Variants in EDIL3 observed in about 807,000 individuals in gnomAD.
The protein encoded by EDIL3 is EGF-like repeat and discoidin I-like domain-containing protein 3.
A neutral mutation model predicts 67.4 loss-of-function variants in EDIL3; 37 were observed. The ratio of observed to expected loss-of-function variants is 0.55; its 90% CI spans 0.42 to 0.72. The LOEUF (loss-of-function observed/expected upper bound fraction) is 0.72, where lower values mean the gene tolerates loss of function less well. EDIL3 is among the 30% of genes least tolerant of loss of function. The probability of loss-of-function intolerance (pLI) is 0.00; values close to 1 mark genes in which losing one functional copy is unlikely to be tolerated. For missense variants in EDIL3, 527 were observed against 586.3 expected, an observed-to-expected ratio of 0.90 and a Z score of 1.04; for synonymous variants, 195 against 196.3, an observed-to-expected ratio of 0.99 and a Z score of 0.05.
At chr5:84,354,989 T>C (rs574127419) in intron 1 of EDIL3, among the ~76,000 whole-genome samples, 59 of 152,170 alleles carry the variant, frequency 3.9e-4, no homozygotes, top group Non-Finnish European at 7.9e-4. Context: ...AGGAGTATCT[T>C]TGTGGTGTTC....
intron 9 of EDIL3, among the ~76,000 whole-genome samples, chr5:84,032,205 T>C (rs991192793): frequency 6.6e-6 from 1 of 152,224 alleles, no homozygotes; most frequent in African/African-American, 2.4e-5. Flanking sequence ...ATGGCAATTC[T>C]TGTAATCCAC....
chr5:84,084,360 T>C (rs1173737335), intron 6 of EDIL3, among the ~76,000 whole-genome samples: 5 of 152,202 alleles, frequency 3.3e-5, no homozygotes, highest in Non-Finnish European at 7.4e-5. Flanking sequence ...ATCATTCTTT[T>C]ATTTTTTGAT....
At chr5:84,353,513 A>G (rs1335182130) in intron 1 of EDIL3, among the ~76,000 whole-genome samples, 1 of 152,228 alleles carries the variant, frequency 6.6e-6, no homozygotes, top group Non-Finnish European at 1.5e-5. Context: ...TCTATGGTAA[A>G]AATAAGTTTG....
chr5:84,049,126 G>C (rs1746283700), intron 9 of EDIL3, among the ~76,000 whole-genome samples: 1 of 152,154 alleles, frequency 6.6e-6, no homozygotes, highest in Non-Finnish European at 1.5e-5. Context: ...ACTGGGTAAA[G>C]AAGCTGAAAA....
intron 3 of EDIL3, among the ~76,000 whole-genome samples, chr5:84,200,648 A>T (rs1053788677): frequency 3.3e-5 from 5 of 152,078 alleles, no homozygotes; most frequent in Non-Finnish European, 5.9e-5. Context: ...ATTTGTTTTA[A>T]CAAAACTAAT....
intron 6 of EDIL3, among the ~76,000 whole-genome samples, chr5:84,097,084 C>T (rs1231505281): frequency 1.3e-5 from 2 of 152,132 alleles, no homozygotes; most frequent in African/African-American, 2.4e-5. Flanking sequence ...TCGGGTATGT[C>T]TTTATCAGCA....
At chr5:84,130,362 A>T (rs1263119658) in intron 5 of EDIL3, among the ~76,000 whole-genome samples, 1 of 152,136 alleles carries the variant, frequency 6.6e-6, no homozygotes, top group Non-Finnish European at 1.5e-5. Context: ...GAATGAGTTT[A>T]TTCATGTATG....
chr5:84,190,579 G>GTGTA (rs1456078500), intron 3 of EDIL3, among the ~76,000 whole-genome samples: 67 of 122,064 alleles, frequency 5.5e-4, no homozygotes, highest in Admixed American at 9.4e-4. Context: ...GTGTGTGTGT[G>GTGTA]TATATATATA....
intron 1 of EDIL3, among the ~76,000 whole-genome samples, chr5:84,282,095 A>T (rs1227129894): frequency 3.3e-5 from 5 of 150,568 alleles, no homozygotes; most frequent in African/African-American, 4.9e-5. Context: ...CTGGTCTCGA[A>T]CTCCTGAGCT....
intron 9 of EDIL3, among the ~76,000 whole-genome samples, chr5:84,054,798 T>G (rs1477048503): frequency 6.7e-6 from 1 of 150,374 alleles, no homozygotes; most frequent in Non-Finnish European, 1.5e-5. Flanking sequence ...CACTGCTCAA[T>G]GAAATAAAAG....
At chr5:84,282,975 T>C (rs1745734001) in intron 1 of EDIL3, among the ~76,000 whole-genome samples, 1 of 152,184 alleles carries the variant, frequency 6.6e-6, no homozygotes, top group Non-Finnish European at 1.5e-5. Context: ...GATTTGTTCT[T>C]GAAATTACCT....
chr5:84,150,767 C>G (rs1215732209), intron 4 of EDIL3, among the ~76,000 whole-genome samples: 5 of 152,146 alleles, frequency 3.3e-5, no homozygotes, highest in African/African-American at 1.2e-4. Context: ...AGCCATTCTA[C>G]TCCTACATAT....
intron 3 of EDIL3, among the ~76,000 whole-genome samples, chr5:84,216,724 C>T (rs540864342): frequency 1.1e-4 from 17 of 152,048 alleles, no homozygotes; most frequent in Admixed American, 2.6e-4. Flanking sequence ...AAATCATAAT[C>T]GAAATCACAA....
chr5:84,214,482 T>G (rs1340693362), intron 3 of EDIL3, among the ~76,000 whole-genome samples: 1 of 152,174 alleles, frequency 6.6e-6, no homozygotes, highest in Non-Finnish European at 1.5e-5. Flanking sequence ...TATTGTTTCT[T>G]ATTAATATTT....
At chr5:84,137,038 T>C (rs1748103833) in intron 5 of EDIL3, among the ~76,000 whole-genome samples, 1 of 152,162 alleles carries the variant, frequency 6.6e-6, no homozygotes, top group Non-Finnish European at 1.5e-5. Context: ...TGTGCATTAA[T>C]AACATACCAC....
intron 4 of EDIL3, among the ~76,000 whole-genome samples, chr5:84,168,559 G>A (rs907694435): frequency 6.6e-6 from 1 of 152,052 alleles, no homozygotes; most frequent in African/African-American, 2.4e-5. Flanking sequence ...CATAAGAACA[G>A]TATATTACGC....
chr5:84,150,801 A>G (rs1304045887), intron 4 of EDIL3, among the ~76,000 whole-genome samples: 1 of 152,230 alleles, frequency 6.6e-6, no homozygotes, highest in African/African-American at 2.4e-5. Context: ...ATGAGAGTGT[A>G]TGTCCACACA....
At chr5:84,018,453 T>C (rs1745647749) in intron 9 of EDIL3, among the ~76,000 whole-genome samples, 1 of 152,166 alleles carries the variant, frequency 6.6e-6, no homozygotes, top group African/African-American at 2.4e-5. Flanking sequence ...TTTAACACAC[T>C]GATAGACCAG....
intron 4 of EDIL3, among the ~76,000 whole-genome samples, chr5:84,171,731 T>C (rs1748814678): frequency 6.6e-6 from 1 of 152,202 alleles, no homozygotes; most frequent in Non-Finnish European, 1.5e-5. Flanking sequence ...ATTATAACCC[T>C]TCACATATGG....
Sources: allele counts gnomAD v4.1 joint callset (sites outside exome capture counted in the v4.1 genomes callset), GRCh38; gene constraint gnomAD v4.1.1; transcripts MANE v1.5; gene names NCBI Gene and HGNC (gene_info 2026-07-23, HGNC 2026-07-21).